Variants in FMN1 observed in about 807,000 individuals in gnomAD.
FMN1 encodes the protein formin-1.
FMN1 carries 110 observed loss-of-function variants against 132.4 expected under a neutral mutation model. The ratio of observed to expected loss-of-function variants is 0.83; its 90% confidence interval spans 0.71 to 0.97. FMN1 has a LOEUF of 0.97. Among genes scored for constraint, FMN1 ranks in the 50% least tolerant of loss-of-function variants. FMN1 has a pLI of 0.00. For synonymous variants in FMN1, 722 were observed against 651.7 expected, an observed-to-expected ratio of 1.11 and a Z score of -1.64; for missense variants, 1,792 against 1,705.3, an observed-to-expected ratio of 1.05 and a Z score of -0.90.
chr15:33,004,612 T>C (rs1008530383), intron 7 of FMN1, among the ~76,000 whole-genome samples: 1 of 152,166 alleles, frequency 6.6e-6, no homozygotes, highest in African/African-American at 2.4e-5. Context: ...AGTTCAACCA[T>C]TGTGGAAGTC....
chr15:32,853,706 T>C, intron 17 of FMN1, among the ~76,000 whole-genome samples: 1 of 152,214 alleles, frequency 6.6e-6, no homozygotes, highest in East Asian at 1.9e-4. Context: ...ATAATGTATT[T>C]CTTAACCACA....
intron 4 of FMN1, among the ~76,000 whole-genome samples, chr15:33,089,591 T>A (rs966648772): frequency 7.2e-5 from 11 of 152,230 alleles, no homozygotes; most frequent in Non-Finnish European, 1.5e-4. Flanking sequence ...ATTAACTATG[T>A]GCCAGACACT....
chr15:33,162,107 G>A (rs1463445335), intron 3 of FMN1, among the ~76,000 whole-genome samples: 1 of 151,940 alleles, frequency 6.6e-6, no homozygotes, highest in Non-Finnish European at 1.5e-5. Flanking sequence ...CAGCTTCTGG[G>A]CCCAGGCAAT....
chr15:32,858,248 G>A (rs1365666492), intron 16 of FMN1, among the ~76,000 whole-genome samples: 2 of 152,194 alleles, frequency 1.3e-5, no homozygotes, highest in Non-Finnish European at 2.9e-5. Context: ...GTATACTGCA[G>A]GCAAAGCAAT....
At chr15:32,910,341 C>T in intron 11 of FMN1, 133 bp downstream of exon 11, 2 of 682,728 alleles carry the variant, frequency 2.9e-6, no homozygotes, top group Middle Eastern at 3.2e-4. Context: ...CCCATTCAAG[C>T]TTGTGTTTCT....
At chr15:32,840,012 A>G (rs111893206) in intron 17 of FMN1, among the ~76,000 whole-genome samples, 3 of 152,198 alleles carry the variant, frequency 2.0e-5, no homozygotes, top group African/African-American at 4.8e-5. Flanking sequence ...TATTGGCAAC[A>G]TAAGAAACTA....
chr15:32,928,528 A>T lies in FMN1; in HGVS notation c.3139-2267T>A, dbSNP rs143548097. 2.0e-3 allele frequency among the ~76,000 whole-genome samples: 311 copies of T among 152,286 alleles called. 1 individual carries two copies. The highest frequency in any genetic ancestry group is 3.6e-3 in the Non-Finnish European group (244 of 68,022). On this transcript the variant is annotated intron_variant, in intron 9 of 20. Transcript: ENST00000616417. ...CCTGGCATTGCTTTGTATTCTGGGG[A>T]TGCGGAGGTGACTGAGACAGATCAA... is the stretch of plus-strand genomic sequence containing the variant.
At chr15:32,914,335 G>A (rs1159135164) in intron 10 of FMN1, among the ~76,000 whole-genome samples, 2 of 152,112 alleles carry the variant, frequency 1.3e-5, no homozygotes, top group Non-Finnish European at 2.9e-5. Context: ...TATGCAATAC[G>A]TGCCAGTGAA....
intron 4 of FMN1, among the ~76,000 whole-genome samples, chr15:33,145,683 C>T (rs1202126885): frequency 1.3e-5 from 2 of 151,080 alleles, no homozygotes; most frequent in East Asian, 3.9e-4. Context: ...TCATCCCAGC[C>T]CTCAAGCAGA....
chr15:33,019,441 C>T (rs1034191555), intron 6 of FMN1, among the ~76,000 whole-genome samples: 4 of 152,206 alleles, frequency 2.6e-5, no homozygotes, highest in Non-Finnish European at 5.9e-5. Flanking sequence ...GATCCTGCAC[C>T]GGGGCCGCAG....
rs1480169969 is a variant in FMN1 at position 33,032,010 on chromosome 15, TAAC to T, written c.2162-23938_2162-23936del. On this transcript the variant is annotated intron_variant, in intron 6 of 20. Coordinates refer to ENST00000616417, the MANE Select transcript of FMN1 (RefSeq NM_001277313.2). The stretch of plus-strand genomic sequence containing the variant: ...TGTAATCATGAAGTGTTACAATCAT[TAAC>T]AACAAAAATAATAATTACTACTGCT... 5.3e-5 allele frequency among the ~76,000 whole-genome samples: 8 copies of T among 152,308 alleles called. No homozygotes were observed. In the East Asian group the frequency reaches 1.2e-3, roughly 22 times the overall value.
At position 33,013,318 on chromosome 15, in the gene FMN1, G is replaced by T. The variant is rs60059020; in HGVS notation, c.2162-5243C>A. Among the ~76,000 whole-genome samples, 764 of 152,302 alleles carry T rather than the reference G, an allele frequency of 5.0e-3. 5 individuals are homozygous for T. Among genetic ancestry groups the T allele is most frequent in the African/African-American group, 0.018 (742 of 41,572 alleles). ...GGAAAGTATAAAGCATTCCAGCCAA[G>T]GGTTTTAATACAGTGGTTTGTCTGC... is the stretch of plus-strand genomic sequence containing the variant. On this transcript the variant is annotated intron_variant, in intron 6 of 20. Transcript: ENST00000616417.
chr15:33,019,483 A>G (rs901962939), intron 6 of FMN1, among the ~76,000 whole-genome samples: 2 of 151,910 alleles, frequency 1.3e-5, no homozygotes, highest in African/African-American at 4.8e-5. Flanking sequence ...ACGCCGTGCG[A>G]CTCCTCAGCC....
At position 33,078,644 on chromosome 15, in the gene FMN1, CA is replaced by C. The variant is rs5811729; in HGVS notation, c.2043+10154del. Among the ~76,000 whole-genome samples, 526 of 133,344 alleles carry C rather than the reference CA, an allele frequency of 3.9e-3. 4 individuals carry two copies. The highest frequency in any genetic ancestry group is 0.011 in the African/African-American group (392 of 35,082). 87.5% of individuals were successfully genotyped at this position (133,344 alleles called of 152,430 possible). ...AAAATCTGTAAAATCCAAAAGGCAA[CA>C]AAAAAAAAAAAACAACTGGGCCATA... On this transcript the variant is annotated intron_variant, in intron 5 of 20. Coordinates refer to ENST00000616417, the MANE Select transcript of FMN1 (RefSeq NM_001277313.2).
intron 10 of FMN1, among the ~76,000 whole-genome samples, chr15:32,912,653 T>G (rs1444223517): frequency 6.6e-6 from 1 of 152,120 alleles, no homozygotes; most frequent in Non-Finnish European, 1.5e-5. Context: ...AGAGATCAGT[T>G]TTGTGGCTAT....
At chr15:33,123,927 C>G (rs139612469) in intron 4 of FMN1, among the ~76,000 whole-genome samples, 2,422 of 152,300 alleles carry the variant, frequency 0.016, 36 homozygotes, top group Non-Finnish European at 0.025. Context: ...TCTGTTCTCC[C>G]CTCATGGTAT....
chr15:33,019,029 G>A lies in FMN1; in HGVS notation c.2162-10954C>T, dbSNP rs187762807. ...TTAAAGAACAAAGCTTCCACCATGCGGAAGAGGACCTGAGCGGGTTACCAC... is the reference window on the plus strand; with the variant it reads ...TTAAAGAACAAAGCTTCCACCATGCAGAAGAGGACCTGAGCGGGTTACCAC... On this transcript the variant is annotated intron_variant, in intron 6 of 20. Coordinates refer to ENST00000616417, the MANE Select transcript of FMN1 (RefSeq NM_001277313.2). Among the ~76,000 whole-genome samples, 139 of 152,292 alleles carry A rather than the reference G, an allele frequency of 9.1e-4. 2 individuals are homozygous for A. The highest frequency in any genetic ancestry group is 8.5e-3 in the South Asian group (41 of 4,818).
chr15:32,881,298 A>G (rs1291636712), intron 16 of FMN1, among the ~76,000 whole-genome samples: 1 of 152,186 alleles, frequency 6.6e-6, no homozygotes, highest in Non-Finnish European at 1.5e-5. Context: ...TCTTATAGTA[A>G]AAGTTGGATT....
chr15:33,085,022 T>C (rs1566901987), intron 5 of FMN1, among the ~76,000 whole-genome samples: 1 of 152,202 alleles, frequency 6.6e-6, no homozygotes, highest in Non-Finnish European at 1.5e-5. Context: ...CTGATCAATA[T>C]ATTGCTTAGA....
Sources: allele counts gnomAD v4.1 joint callset (sites outside exome capture counted in the v4.1 genomes callset), GRCh38; gene constraint gnomAD v4.1.1; transcripts MANE v1.5; gene names NCBI Gene and HGNC (gene_info 2026-07-23, HGNC 2026-07-21).